GALNTL6: variants seen among roughly 807,000 people sequenced by gnomAD.
GALNTL6 encodes the protein polypeptide N-acetylgalactosaminyltransferase-like 6.
A neutral mutation model predicts 73.7 loss-of-function variants in GALNTL6; 46 were observed. That is an observed-to-expected ratio of 0.62 (90% confidence interval 0.49 to 0.80). The LOEUF is 0.80. Ranked by LOEUF, GALNTL6 falls within the 30% of genes least tolerant of loss-of-function variation. GALNTL6 has a pLI of 0.00. For synonymous variants in GALNTL6, 259 were observed against 263.7 expected, an observed-to-expected ratio of 0.98 and a Z score of 0.17; for missense variants, 604 against 755.0, an observed-to-expected ratio of 0.80 and a Z score of 2.34.
At chr4:172,226,573 G>A (rs1197751445) in intron 2 of GALNTL6, among the ~76,000 whole-genome samples, 4 of 103,962 alleles carry the variant, frequency 3.8e-5, no homozygotes, top group African/African-American at 1.5e-4. Context: ...GTGTGTGTGT[G>A]TGTGTGTCTG....
At chr4:172,563,270 C>T (rs1471663369) in intron 5 of GALNTL6, among the ~76,000 whole-genome samples, 1 of 152,088 alleles carries the variant, frequency 6.6e-6, no homozygotes, top group African/African-American at 2.4e-5. Flanking sequence ...TTCTCTCCCC[C>T]ATGATAACCA....
At chr4:172,814,402 T>C (rs1252728634) in intron 7 of GALNTL6, among the ~76,000 whole-genome samples, 1 of 152,194 alleles carries the variant, frequency 6.6e-6, no homozygotes, top group African/African-American at 2.4e-5. Context: ...AGAAAAAATA[T>C]GTATAGTTTA....
At chr4:171,988,552 T>G (rs1414299856) in intron 2 of GALNTL6, among the ~76,000 whole-genome samples, 1 of 151,944 alleles carries the variant, frequency 6.6e-6, no homozygotes, top group African/African-American at 2.4e-5. Flanking sequence ...GAGGGAGGTA[T>G]TGAGGATAGG....
intron 2 of GALNTL6, among the ~76,000 whole-genome samples, chr4:171,985,477 T>A (rs1228014697): frequency 2.6e-5 from 4 of 152,122 alleles, no homozygotes; most frequent in Non-Finnish European, 5.9e-5. Flanking sequence ...GAGATTTGGG[T>A]GAGGACACAG....
intron 8 of GALNTL6, among the ~76,000 whole-genome samples, chr4:172,901,674 A>G (rs1278131795): frequency 6.6e-6 from 1 of 152,202 alleles, no homozygotes; most frequent in Non-Finnish European, 1.5e-5. Flanking sequence ...GGCCGAACGA[A>G]AAAAATTCCA....
At chr4:172,738,479 AT>A (rs1358480773) in intron 5 of GALNTL6, among the ~76,000 whole-genome samples, 2 of 152,124 alleles carry the variant, frequency 1.3e-5, no homozygotes, top group African/African-American at 2.4e-5. Flanking sequence ...ATAAAAATAT[AT>A]TTTTTTAATA....
intron 2 of GALNTL6, among the ~76,000 whole-genome samples, chr4:172,140,950 C>T (rs1468412350): frequency 6.6e-6 from 1 of 152,006 alleles, no homozygotes; most frequent in African/African-American, 2.4e-5. Context: ...ACCTAGCAAC[C>T]TCCTGTTAAT....
At chr4:172,392,811 G>A (rs1466764104) in intron 5 of GALNTL6, among the ~76,000 whole-genome samples, 1 of 152,096 alleles carries the variant, frequency 6.6e-6, no homozygotes, top group East Asian at 1.9e-4. Flanking sequence ...CTCCACCTTT[G>A]TTTTCCCATA....
chr4:172,258,866 G>A lies in GALNTL6; in HGVS notation c.247+29102G>A, dbSNP rs549108509. ...ACAACATTTGATTTTCCATTTCTGA[G>A]TTACTTCACTTAGAATAATGGTCTC... On this transcript the variant is annotated intron_variant, in intron 3 of 12. Coordinates refer to ENST00000506823, the MANE Select transcript of GALNTL6 (RefSeq NM_001034845.3). 4.8e-4 allele frequency among the ~76,000 whole-genome samples: 73 copies of A among 151,236 alleles called. 2 individuals carry two copies. The South Asian group carries it at 0.014, about 29-fold the overall frequency.
chr4:172,229,844 C>A, intron 3 of GALNTL6, 80 bp downstream of exon 3: 1 of 822,010 alleles, frequency 1.2e-6, no homozygotes, highest in Admixed American at 2.1e-5. Context: ...CTCTAATTAG[C>A]ATTTCTTCTG....
intron 7 of GALNTL6, among the ~76,000 whole-genome samples, chr4:172,817,069 C>T (rs902387941): frequency 4.8e-5 from 7 of 147,134 alleles, no homozygotes; most frequent in Non-Finnish European, 8.9e-5. Flanking sequence ...GATTGCACCA[C>T]TGTACTTCAG....
intron 5 of GALNTL6, among the ~76,000 whole-genome samples, chr4:172,609,663 G>GTGTA (rs1738447903): frequency 6.6e-6 from 1 of 150,494 alleles, no homozygotes; most frequent in East Asian, 2.0e-4. Flanking sequence ...GTGTGTGTGT[G>GTGTA]TGTCTGCCAG....
At chr4:172,418,443 A>G (rs942156178) in intron 5 of GALNTL6, among the ~76,000 whole-genome samples, 1 of 152,024 alleles carries the variant, frequency 6.6e-6, no homozygotes, top group African/African-American at 2.4e-5. Context: ...TTGAATGACA[A>G]CTGTATGCCC....
chr4:172,339,878 A>G (rs968314994), intron 4 of GALNTL6, among the ~76,000 whole-genome samples: 1 of 152,138 alleles, frequency 6.6e-6, no homozygotes, highest in African/African-American at 2.4e-5. Context: ...TCACAATTCC[A>G]GTAGATTCCC....
intron 5 of GALNTL6, among the ~76,000 whole-genome samples, chr4:172,558,844 A>G (rs909179412): frequency 1.3e-5 from 2 of 152,138 alleles, no homozygotes. Context: ...GATCAAAACT[A>G]TTTCACATCT....
At chr4:171,956,687 A>G (rs1739059586) in intron 2 of GALNTL6, among the ~76,000 whole-genome samples, 1 of 152,222 alleles carries the variant, frequency 6.6e-6, no homozygotes, top group African/African-American at 2.4e-5. Context: ...TTGCAAAACT[A>G]TTACAACATA....
chr4:171,898,588 G>T (rs1351678993), intron 2 of GALNTL6, among the ~76,000 whole-genome samples: 2 of 152,028 alleles, frequency 1.3e-5, no homozygotes, highest in South Asian at 2.1e-4. Flanking sequence ...ATGTAAGGAA[G>T]CCAGAAGAAT....
chr4:172,118,940 G>A (rs567040758), intron 2 of GALNTL6, among the ~76,000 whole-genome samples: 1 of 151,354 alleles, frequency 6.6e-6, no homozygotes, highest in East Asian at 1.9e-4. Context: ...TTTCCTGTAT[G>A]TGTGAGATAC....
At chr4:172,771,874 C>A (rs1738784476) in intron 5 of GALNTL6, among the ~76,000 whole-genome samples, 1 of 151,856 alleles carries the variant, frequency 6.6e-6, no homozygotes, top group South Asian at 2.1e-4. Flanking sequence ...TAAGAAGAAT[C>A]ACTTTTTATT....
Sources: allele counts gnomAD v4.1 joint callset (sites outside exome capture counted in the v4.1 genomes callset), GRCh38; gene constraint gnomAD v4.1.1; transcripts MANE v1.5; gene names NCBI Gene and HGNC (gene_info 2026-07-23, HGNC 2026-07-21).